The following PPT2 variants were observed in gnomAD, a reference collection of about 807,000 sequenced individuals.
The protein encoded by PPT2 is lysosomal thioesterase PPT2.
PPT2 carries 20 observed loss-of-function variants against 37.3 expected under a neutral mutation model. The ratio of observed to expected loss-of-function variants is 0.54; its 90% CI spans 0.38 to 0.78. PPT2 has a LOEUF of 0.78. PPT2 is among the 30% of genes least tolerant of loss of function. The pLI is 0.00. For missense variants in PPT2, 270 were observed against 389.8 expected (o/e 0.69, Z 2.59); for synonymous variants, 135 against 159.1 (o/e 0.85, Z 1.14).
Position 32,155,105 on chromosome 6 carries a change from G to A in PPT2, c.259G>A (p.Val87Met), listed in dbSNP as rs1209875424. The A allele has an allele frequency of 6.2e-7, 1 of 1,613,012 alleles. No individual in the cohort carries two copies. Among genetic ancestry groups the A allele is most frequent in the African/African-American group, 1.3e-5 (1 of 74,914 alleles). Reference sequence around the variant, plus strand: ...GAGCTTGCGACCCCTGTGGGAACAGGTGCAAGGGTTCCGAGAGGCTGTGGT... The same window carrying A: ...GAGCTTGCGACCCCTGTGGGAACAGATGCAAGGGTTCCGAGAGGCTGTGGT... The part of the protein sequence containing the change: ...RESLRPLWEQ[V>M]QGFREAVVPI... Residue 87 changes from valine to methionine, a missense_variant, in exon 3 of 9, where the codon GTG (valine) becomes ATG (methionine). Coordinates refer to ENST00000324816, the MANE Select transcript of PPT2 (RefSeq NM_005155.7). The surrounding 1 kb of genome is among the most constrained non-coding windows in gnomAD (Gnocchi z 4.3).
intron 5 of PPT2, 192 bp from the exon 6 acceptor site, chr6:32,157,445 T>C: frequency 1.6e-6 from 1 of 607,000 alleles, no homozygotes; most frequent in Non-Finnish European, 2.9e-6. Flanking sequence ...ACTCCCGACT[T>C]CAAGTGATCC....
intron 7 of PPT2, among the ~76,000 whole-genome samples, chr6:32,161,542 G>A (rs1386824985): frequency 6.7e-6 from 1 of 148,402 alleles, no homozygotes; most frequent in Admixed American, 6.8e-5. Flanking sequence ...ACCCTCCTTG[G>A]TCTCCCAAAG....
chr6:32,153,818 C>A, upstream of PPT2: 1 of 1,033,130 alleles, frequency 9.7e-7, no homozygotes, highest in Non-Finnish European at 1.4e-6. This position sits in a 1 kb window ranked among gnomAD's most constrained non-coding sequence, Gnocchi z 4.4. Flanking sequence ...ACTTCGTGTT[C>A]TGCTGCGGAG....
Position 32,155,584 on chromosome 6 carries a change from C to CTGTG in PPT2, c.338-73_338-70dup, listed in dbSNP as rs28359849. The CTGTG allele has an allele frequency of 0.084, 58,231 of 691,980 alleles. 927 individuals carry two copies. The highest frequency in any genetic ancestry group is 0.12 in the African/African-American group (5,323 of 45,684). The allele number at this position is 691,980 out of a possible 1,614,324, so 42.9% of individuals were successfully genotyped here. Reference sequence around the variant, plus strand: ...GTACAGTGTGTGTCTGTGTGTGTCTCTGTGTGTGTGTGTGTGTGTGTGTGT... The same window carrying CTGTG: ...GTACAGTGTGTGTCTGTGTGTGTCTCTGTGTGTGTGTGTGTGTGTGTGTGTGTGT... On this transcript the variant is annotated intron_variant, in intron 3 of 8. Coordinates refer to ENST00000324816, the MANE Select transcript of PPT2 (RefSeq NM_005155.7). The surrounding 1 kb of genome is among the most constrained non-coding windows in gnomAD (Gnocchi z 4.3).
At chr6:32,158,232 T>G in intron 7 of PPT2, 1 of 315,906 alleles carries the variant, frequency 3.2e-6, no homozygotes, top group Non-Finnish European at 5.9e-6. Context: ...AGCAAGGCCC[T>G]TCACCCAGCT....
In PPT2 at chr6:32,155,035, C is replaced by A. The variant is rs749007289; in HGVS notation, c.189C>A (p.His63Gln). Residue 63 changes from histidine to glutamine, a missense_variant, in exon 3 of 9, where the codon CAC becomes CAA. Coordinates refer to ENST00000324816, the MANE Select transcript of PPT2 (RefSeq NM_005155.7). The surrounding 1 kb of genome is among the most constrained non-coding windows in gnomAD (Gnocchi z 4.3). ...RHLLEYINET[H>Q]PGTVVTVLDL... ...GCATTGCCCCCTTCCCACAGACACA[C>A]CCCGGGACTGTGGTGACAGTGCTCG... 1.9e-6 allele frequency: 3 copies of A among 1,612,892 alleles called. No individual in the cohort carries two copies. The highest frequency in any genetic ancestry group is 2.5e-6 in the Non-Finnish European group (3 of 1,180,004).
rs564006022 is a variant in PPT2, at chr6:32,155,572, CTG to C, written c.338-108_338-107del. The C allele has an allele frequency of 7.3e-6, 6 of 819,466 alleles. No homozygotes were observed. The highest frequency in any genetic ancestry group is 4.4e-5 in the South Asian group (3 of 68,544). The allele number at this position is 819,466 out of a possible 1,614,324, so 50.8% of individuals were successfully genotyped here. On this transcript the variant is annotated intron_variant, in intron 3 of 8. Coordinates refer to ENST00000324816, the MANE Select transcript of PPT2 (RefSeq NM_005155.7). This position sits in a 1 kb window ranked among gnomAD's most constrained non-coding sequence, Gnocchi z 4.3. ...AGTCTCCTTTGTGTACAGTGTGTGT[CTG>C]TGTGTGTCTCTGTGTGTGTGTGTGT...
rs577636213 is a variant in PPT2, at chr6:32,160,136, C to T, written c.710+2212C>T. On this transcript the variant is annotated intron_variant, in intron 7 of 8. Coordinates refer to ENST00000324816, the MANE Select transcript of PPT2 (RefSeq NM_005155.7). ...CTCGGCTCACTGCAAGCTCTGCCTC[C>T]CAGGTTCACGCCATTCTCCTGCCTC... 7.9e-5 allele frequency among the ~76,000 whole-genome samples: 12 copies of T among 151,852 alleles called. No homozygotes were observed. The East Asian group carries it at 2.4e-3, about 30-fold the overall frequency.
At position 32,155,215 on chromosome 6, in the gene PPT2, C is replaced by T; in HGVS notation, c.337+32C>T. ...GACTCCCCTGCCCCTAACTCCTAAG[C>T]CCTATCTGAGGCTTGATCCTTATCT... On this transcript the variant is annotated intron_variant, in intron 3 of 8. Coordinates refer to ENST00000324816, the MANE Select transcript of PPT2 (RefSeq NM_005155.7). This position sits in a 1 kb window ranked among gnomAD's most constrained non-coding sequence, Gnocchi z 4.3. 6.2e-7 allele frequency: 1 copy of T among 1,611,084 alleles called. No homozygotes were observed. Among genetic ancestry groups the T allele is most frequent in the Non-Finnish European group, 8.5e-7 (1 of 1,178,482 alleles).
At chr6:32,157,585 C>T in intron 5 of PPT2, 52 bp from the exon 6 acceptor site, 1 of 1,448,114 alleles carries the variant, frequency 6.9e-7, no homozygotes, top group East Asian at 2.3e-5. Context: ...CTTTTCACCA[C>T]CAGTCTTGCC....
chr6:32,155,126 G>C lies in PPT2; in HGVS notation c.280G>C (p.Val94Leu). The change falls in exon 3 of 9, where the codon GTG (valine) becomes CTG (leucine). Residue 94 changes from valine (V) to leucine (L), a missense_variant. Transcript: ENST00000324816. The surrounding 1 kb of genome is among the most constrained non-coding windows in gnomAD (Gnocchi z 4.3). Reference protein sequence around the residue: ...WEQVQGFREAVVPIMAKAPQG... With the variant: ...WEQVQGFREALVPIMAKAPQG... ...ACAGGTGCAAGGGTTCCGAGAGGCT[G>C]TGGTCCCCATCATGGCAAAGGCCCC... 3 of 1,613,148 alleles carry C rather than the reference G, an allele frequency of 1.9e-6. No individual in the cohort carries two copies. The highest frequency in any genetic ancestry group is 1.1e-5 in the South Asian group (1 of 91,084).
At chr6:32,158,651 A>G (rs919442947) in intron 7 of PPT2, among the ~76,000 whole-genome samples, 7 of 152,204 alleles carry the variant, frequency 4.6e-5, no homozygotes, top group Admixed American at 2.6e-4. Flanking sequence ...ACAAATATAT[A>G]TGTCAGGTAA....
rs1412609702 is a variant in PPT2, at chr6:32,154,720, G to A, written c.126G>A (p.Val42=). 1.7e-5 allele frequency: 28 copies of A among 1,613,106 alleles called. No individual in the cohort carries two copies. Among genetic ancestry groups the A allele is most frequent in the Non-Finnish European group, 2.4e-5 (28 of 1,180,036 alleles). Residue 42 remains valine (V), a synonymous_variant, in exon 2 of 9, where the codon GTG becomes GTA. Coordinates refer to ENST00000324816, the MANE Select transcript of PPT2 (RefSeq NM_005155.7). This position sits in a 1 kb window ranked among gnomAD's most constrained non-coding sequence, Gnocchi z 7.3. ...CGTCCTACAAGCCGGTCATCGTGGT[G>A]CATGGGCTCTTCGACAGCTCGTACA... The part of the protein sequence containing the change: ...HRASYKPVIV[V]HGLFDSSYSF...
Position 32,155,994 on chromosome 6 carries a change from G to T in PPT2, c.541+16G>T, listed in dbSNP as rs1783777072. 1 of 1,583,794 alleles carries T rather than the reference G, an allele frequency of 6.3e-7. No homozygotes were observed. Among genetic ancestry groups the T allele is most frequent in the East Asian group, 2.2e-5 (1 of 44,744 alleles). On this transcript the variant is annotated intron_variant, in intron 5 of 8. Transcript: ENST00000324816. The surrounding 1 kb of genome is among the most constrained non-coding windows in gnomAD (Gnocchi z 4.3). ...TACTGGCATGGTGAGTGGGGATGCT[G>T]AACTGGGGCTTCCATGGATCAGGTC...
Position 32,162,307 on chromosome 6 carries a change from C to T in PPT2, c.711-261C>T, listed in dbSNP as rs1034952454. 3.9e-5 allele frequency among the ~76,000 whole-genome samples: 6 copies of T among 152,326 alleles called. No homozygotes were observed. Among genetic ancestry groups the T allele is most frequent in the African/African-American group, 1.2e-4 (5 of 41,570 alleles). On this transcript the variant is annotated intron_variant, in intron 7 of 8. Transcript: ENST00000324816. This position sits in a 1 kb window ranked among gnomAD's most constrained non-coding sequence, Gnocchi z 5.5. Reference sequence around the variant, plus strand: ...CGATCTCGACTCAATGCAACCTCCACCTCCCGGGTTCAAGTAATTATCCTG... The same window carrying T: ...CGATCTCGACTCAATGCAACCTCCATCTCCCGGGTTCAAGTAATTATCCTG...
At position 32,154,448 on chromosome 6, in the gene PPT2, G is replaced by A. The variant is rs1341311099; in HGVS notation, c.-9+44G>A. On this transcript the variant is annotated intron_variant, in intron 1 of 8. Transcript: ENST00000324816. This position sits in a 1 kb window ranked among gnomAD's most constrained non-coding sequence, Gnocchi z 7.3. ...GGGGTGTGTTTGTAGGGAGAGGGCTGGAGTAAGTTAAAAGTAGGCTATTTT... is the reference window on the plus strand; with the variant it reads ...GGGGTGTGTTTGTAGGGAGAGGGCTAGAGTAAGTTAAAAGTAGGCTATTTT... 9 of 1,489,742 alleles carry A rather than the reference G, an allele frequency of 6.0e-6. No homozygotes were observed. Among genetic ancestry groups the A allele is most frequent in the African/African-American group, 4.2e-5 (3 of 71,398 alleles). The allele number at this position is 1,489,742 out of a possible 1,614,324, so 92.3% of individuals were successfully genotyped here. A position where few individuals can be genotyped will look rare whatever the true frequency, so the allele number is the denominator to read the frequency against.
At chr6:32,159,347 C>T (rs554699041) in intron 7 of PPT2, among the ~76,000 whole-genome samples, 1 of 147,592 alleles carries the variant, frequency 6.8e-6, no homozygotes, top group South Asian at 2.2e-4. Context: ...GCAGGAGAAT[C>T]GCTTGAACCT....
chr6:32,163,147 TCCAGG>T lies in PPT2; in HGVS notation c.*200_*204del. The T allele has an allele frequency of 1.6e-6, 1 of 611,534 alleles. No homozygotes were observed. The highest frequency in any genetic ancestry group is 1.8e-5 in the African/African-American group (1 of 54,148). 37.9% of individuals were successfully genotyped at this position (611,534 alleles called of 1,614,324 possible). On this transcript the variant is annotated 3_prime_UTR_variant, in exon 9 of 9. Transcript: ENST00000324816. ...CCTCTGCTCCTCCATGAATGACAAT[TCCAGG>T]CCTCCCCTACCTCATGTCCTCTCAT...
rs756387699 is a variant in PPT2, at chr6:32,162,859, T to G, written c.818T>G (p.Ile273Arg). 6.2e-7 allele frequency: 1 copy of G among 1,613,702 alleles called. No individual in the cohort carries two copies. The highest frequency in any genetic ancestry group is 1.7e-5 in the Admixed American group (1 of 60,016). Residue 273 changes from isoleucine (I) to arginine (R), a missense_variant, in exon 9 of 9, where the codon ATA (isoleucine) becomes AGA (arginine). Physicochemically the swap from Ile to Arg is moderately conservative, Grantham distance 97 (BLOSUM62 -3). Transcript: ENST00000324816. The surrounding 1 kb of genome is among the most constrained non-coding windows in gnomAD (Gnocchi z 5.5). ...GLKTLLARGA[I>R]VRCPMAGISH... ...AAGACTCTATTGGCCCGGGGGGCCA[T>G]AGTGAGGTGTCCAATGGCCGGTATC...
Sources: allele counts gnomAD v4.1 joint callset (sites outside exome capture counted in the v4.1 genomes callset), GRCh38; gene constraint gnomAD v4.1.1; non-coding constraint Gnocchi (gnomAD v3.1); transcripts MANE v1.5; gene names NCBI Gene and HGNC (gene_info 2026-07-23, HGNC 2026-07-21).